CISD2: variants seen among roughly 807,000 people sequenced by gnomAD.
The protein encoded by CISD2 is CDGSH iron-sulfur domain-containing protein 2.
A neutral mutation model predicts 12.9 loss-of-function variants in CISD2; 1 was observed. The ratio of observed to expected loss-of-function variants is 0.08; its 90% CI spans 0.03 to 0.37. The LOEUF is 0.37. Ranked by LOEUF, CISD2 falls within the 10% of genes least tolerant of loss-of-function variation. CISD2 has a pLI of 0.99. For missense variants in CISD2, 97 were observed against 163.1 expected, an observed-to-expected ratio of 0.59 and a Z score of 2.21; for synonymous variants, 50 against 60.6, an observed-to-expected ratio of 0.83 and a Z score of 0.81.
Position 102,888,300 on chromosome 4 carries a change from C to T in CISD2, c.*870C>T, listed in dbSNP as rs188111609. The T allele has an allele frequency of 6.6e-6, 1 of 152,288 alleles. No homozygotes were observed. The highest frequency in any genetic ancestry group is 2.4e-5 in the African/African-American group (1 of 41,538). The allele number at this position is 152,288 out of a possible 1,614,324, so 9.4% of individuals were successfully genotyped here. ...AGTCATCCCTTGTATACGCTAGGGA[C>T]TGGTTCCAGGGCCACACATATACCA... On this transcript the variant is annotated 3_prime_UTR_variant, in exon 3 of 3. Transcript: ENST00000273986.
rs1363342560 is a variant in CISD2 at position 102,890,572 on chromosome 4, A to C, written c.*3142A>C. ...AGTGCCTCATTGGCTTGGTGCAGTG[A>C]CGACACACCTGTAATCTCAGCACTT... is the stretch of plus-strand genomic sequence containing the variant. On this transcript the variant is annotated 3_prime_UTR_variant, in exon 3 of 3. Transcript: ENST00000273986. 1 of 151,962 alleles carries C rather than the reference A, an allele frequency of 6.6e-6. No homozygotes were observed. The highest frequency in any genetic ancestry group is 1.9e-4 in the East Asian group (1 of 5,162). 9.4% of individuals were successfully genotyped at this position (151,962 alleles called of 1,614,324 possible).
rs1271190440 is a variant in CISD2 at position 102,869,193 on chromosome 4, C to A, written c.103+6C>A. On this transcript the variant is annotated splice_donor_region_variant and intron_variant, in intron 1 of 2. Transcript: ENST00000273986. ...CGGGTTCGCTAGGCTCACAGGTAATCCTCCCCCATCAGCCAGTCCCCATCC... is the reference window on the plus strand; with the variant it reads ...CGGGTTCGCTAGGCTCACAGGTAATACTCCCCCATCAGCCAGTCCCCATCC... 6 of 1,599,368 alleles carry A rather than the reference C, an allele frequency of 3.8e-6. No homozygotes were observed. The highest frequency in any genetic ancestry group is 5.1e-6 in the Non-Finnish European group (6 of 1,173,202).
At chr4:102,883,467 A>C (rs1733776091) in intron 1 of CISD2, among the ~76,000 whole-genome samples, 1 of 152,094 alleles carries the variant, frequency 6.6e-6, no homozygotes, top group Non-Finnish European at 1.5e-5. Context: ...AGTACCTCTC[A>C]TGTGGCCCTG....
At chr4:102,887,174 G>C (rs1001801111) in intron 2 of CISD2, among the ~76,000 whole-genome samples, 167 bp from the exon 3 acceptor site, 1 of 152,114 alleles carries the variant, frequency 6.6e-6, no homozygotes, top group Non-Finnish European at 1.5e-5. Context: ...TAAATTGTTA[G>C]ATTTTGAATA....
intron 1 of CISD2, among the ~76,000 whole-genome samples, chr4:102,879,919 ATC>A (rs1733675658): frequency 1.3e-5 from 2 of 152,010 alleles, no homozygotes; most frequent in Non-Finnish European, 2.9e-5. Flanking sequence ...CTGCCCTTGT[ATC>A]TCTCTTTTTC....
At chr4:102,881,739 A>G (rs1170169814) in intron 1 of CISD2, among the ~76,000 whole-genome samples, 4 of 152,214 alleles carry the variant, frequency 2.6e-5, no homozygotes, top group Non-Finnish European at 5.9e-5. Context: ...GTAGGAGGTA[A>G]TAGTACCTCT....
chr4:102,889,345 CTT>C lies in CISD2; in HGVS notation c.*1917_*1918del, dbSNP rs1401379638. The C allele has an allele frequency of 6.6e-6, 1 of 152,260 alleles. No homozygotes were observed. The highest frequency in any genetic ancestry group is 6.5e-5 in the Admixed American group (1 of 15,286). The allele number at this position is 152,260 out of a possible 1,614,324, so 9.4% of individuals were successfully genotyped here. ...TATTTTTCCACAGTTGGTCACCAGA[CTT>C]TGGAAAAAATCCACCTCACCAAAAT... On this transcript the variant is annotated 3_prime_UTR_variant, in exon 3 of 3. Coordinates refer to ENST00000273986, the MANE Select transcript of CISD2 (RefSeq NM_001008388.5).
At chr4:102,871,338 A>G (rs535872071) in intron 1 of CISD2, among the ~76,000 whole-genome samples, 1 of 152,326 alleles carries the variant, frequency 6.6e-6, no homozygotes, top group African/African-American at 2.4e-5. Flanking sequence ...TTAAGAATAT[A>G]TAGTAACTTC....
Position 102,888,731 on chromosome 4 carries a change from A to G in CISD2, c.*1301A>G, listed in dbSNP as rs1238857515. The G allele has an allele frequency of 1.3e-5, 2 of 152,308 alleles. No homozygotes were observed. Among genetic ancestry groups the G allele is most frequent in the African/African-American group, 4.8e-5 (2 of 41,482 alleles). 9.4% of individuals were successfully genotyped at this position (152,308 alleles called of 1,614,324 possible). A position where few individuals can be genotyped will look rare whatever the true frequency, so the allele number is the denominator to read the frequency against. On this transcript the variant is annotated 3_prime_UTR_variant, in exon 3 of 3. Coordinates refer to ENST00000273986, the MANE Select transcript of CISD2 (RefSeq NM_001008388.5). The stretch of plus-strand genomic sequence containing the variant: ...GAGGATGGCTGCAGTACAAGAGCCC[A>G]GGAGTTCAAGGCCAGGCTGGGCAAC...
intron 1 of CISD2, among the ~76,000 whole-genome samples, chr4:102,876,034 A>C (rs1560902563): frequency 6.6e-6 from 1 of 152,104 alleles, no homozygotes; most frequent in Non-Finnish European, 1.5e-5. Flanking sequence ...CTCTTATGTC[A>C]TCCTTTATTT....
intron 2 of CISD2, among the ~76,000 whole-genome samples, chr4:102,885,717 T>C (rs1280513018): frequency 6.6e-6 from 1 of 152,114 alleles, no homozygotes; most frequent in Non-Finnish European, 1.5e-5. Flanking sequence ...GGACCTAAGG[T>C]TTAATGGAAA....
chr4:102,880,423 C>CA (rs1417345239), intron 1 of CISD2, among the ~76,000 whole-genome samples: 10 of 151,606 alleles, frequency 6.6e-5, no homozygotes, highest in African/African-American at 2.4e-4. Flanking sequence ...ATTTACATAC[C>CA]AAAAAAGAGA....
At chr4:102,869,680 A>G (rs538262284) in intron 1 of CISD2, among the ~76,000 whole-genome samples, 4 of 152,308 alleles carry the variant, frequency 2.6e-5, no homozygotes, top group Admixed American at 6.5e-5. Context: ...TTTATTTAGT[A>G]ACGAAATTAG....
In CISD2 at chr4:102,889,790, T is replaced by A. The variant is rs1419911627; in HGVS notation, c.*2360T>A. On this transcript the variant is annotated 3_prime_UTR_variant, in exon 3 of 3. Coordinates refer to ENST00000273986, the MANE Select transcript of CISD2 (RefSeq NM_001008388.5). ...ATTATTAGCAGTTTGCATTACTTCT[T>A]GTAAATTTACACAATTTTATCTTGT... 6.6e-6 allele frequency: 1 copy of A among 152,230 alleles called. No homozygotes were observed. The highest frequency in any genetic ancestry group is 1.5e-5 in the Non-Finnish European group (1 of 68,034). The allele number at this position is 152,230 out of a possible 1,614,324, so 9.4% of individuals were successfully genotyped here.
At position 102,871,278 on chromosome 4, in the gene CISD2, T is replaced by G. The variant is rs565801346; in HGVS notation, c.103+2091T>G. 3.3e-5 allele frequency among the ~76,000 whole-genome samples: 5 copies of G among 152,276 alleles called. No individual in the cohort carries two copies. The South Asian group carries it at 1.0e-3, about 32-fold the overall frequency. On this transcript the variant is annotated intron_variant, in intron 1 of 2. Coordinates refer to ENST00000273986, the MANE Select transcript of CISD2 (RefSeq NM_001008388.5). ...GAGGATCCCTAGTGTCAACAAATAT[T>G]TAATTCCTATTAAAGACATTAAGAA...
chr4:102,877,771 A>G (rs972111562), intron 1 of CISD2, among the ~76,000 whole-genome samples: 12 of 152,194 alleles, frequency 7.9e-5, no homozygotes, highest in African/African-American at 2.7e-4. Context: ...CCAAACCTCA[A>G]TTCTAGACTT....
In CISD2 at chr4:102,888,519, G is replaced by A. The variant is rs1186075644; in HGVS notation, c.*1089G>A. The A allele has an allele frequency of 6.6e-6, 1 of 152,254 alleles. No individual in the cohort carries two copies. Among genetic ancestry groups the A allele is most frequent in the Non-Finnish European group, 1.5e-5 (1 of 68,052 alleles). 9.4% of individuals were successfully genotyped at this position (152,254 alleles called of 1,614,324 possible). ...CCACCCAGTTCAAACCCGTGTGTAA[G>A]GGTCAACTGTACAAAAAAGTTTGTG... On this transcript the variant is annotated 3_prime_UTR_variant, in exon 3 of 3. Transcript: ENST00000273986.
At chr4:102,869,371 G>A in intron 1 of CISD2, 184 bp downstream of exon 1, 4 of 791,982 alleles carry the variant, frequency 5.1e-6, no homozygotes, top group Middle Eastern at 2.4e-4. Context: ...GGCAGTCTCC[G>A]GGTGCTTGAT....
chr4:102,871,379 A>G (rs1733442633), intron 1 of CISD2, among the ~76,000 whole-genome samples: 1 of 152,208 alleles, frequency 6.6e-6, no homozygotes, highest in Non-Finnish European at 1.5e-5. Flanking sequence ...TTTAATATGA[A>G]GACTGATTCT....
Sources: gnomAD v4.1 joint callset for allele counts (sites outside exome capture counted in the v4.1 genomes callset) on GRCh38, gnomAD v4.1.1 for gene constraint, MANE v1.5 for transcripts, NCBI Gene and HGNC (gene_info 2026-07-23, HGNC 2026-07-21) for gene names.